The following CFAP299 variants were observed in gnomAD, a reference collection of about 807,000 sequenced individuals.
CFAP299 encodes the protein cilia and flagella associated protein 299.
A neutral mutation model predicts 27.0 loss-of-function variants in CFAP299; 21 were observed. The observed-to-expected ratio is 0.78, with a 90% CI of 0.55 to 1.12. The LOEUF (loss-of-function observed/expected upper bound fraction) is 1.12. Among genes scored for constraint, CFAP299 ranks in the 50% most tolerant of loss-of-function variants. The pLI, the probability that CFAP299 is intolerant of heterozygous loss-of-function variation, is 0.00. For synonymous variants in CFAP299, 104 were observed against 98.1 expected (o/e 1.06, Z -0.36); for missense variants, 310 against 276.6 (o/e 1.12, Z -0.86).
At chr4:80,784,362 A>G (rs1432345042) in intron 3 of CFAP299, among the ~76,000 whole-genome samples, 1 of 152,134 alleles carries the variant, frequency 6.6e-6, no homozygotes, top group East Asian at 1.9e-4. Flanking sequence ...AACACTTGTG[A>G]TCTGTCTTTT....
At position 80,427,635 on chromosome 4, in the gene CFAP299, G is replaced by A. The variant is rs138061299; in HGVS notation, c.242+64751G>A. On this transcript the variant is annotated intron_variant, in intron 2 of 5. Coordinates refer to ENST00000358105, the MANE Select transcript of CFAP299 (RefSeq NM_152770.3). ...GGATCCTCAAAGAGTTATGTGGCCC[G>A]TGAAAGATTAATACTCACTCCTACA... Among the ~76,000 whole-genome samples the A allele has an allele frequency of 2.4e-3, 372 of 152,222 alleles. 2 individuals are homozygous for A. The highest frequency in any genetic ancestry group is 8.0e-3 in the African/African-American group (334 of 41,550).
intron 3 of CFAP299, among the ~76,000 whole-genome samples, chr4:80,616,459 C>T (rs567024284): frequency 3.3e-5 from 5 of 151,380 alleles, no homozygotes; most frequent in Admixed American, 1.3e-4. Flanking sequence ...AAATAATACC[C>T]CCAAACTGAA....
chr4:80,737,270 A>C (rs1036881813), intron 3 of CFAP299, among the ~76,000 whole-genome samples: 25 of 152,068 alleles, frequency 1.6e-4, no homozygotes, highest in African/African-American at 5.8e-4. Flanking sequence ...ATATGTAACT[A>C]ACCTGCACAT....
intron 3 of CFAP299, among the ~76,000 whole-genome samples, chr4:80,843,092 T>G (rs1244672395): frequency 2.6e-5 from 4 of 151,392 alleles, no homozygotes; most frequent in Non-Finnish European, 4.4e-5. Flanking sequence ...ATATATATTT[T>G]TATTATACTT....
At chr4:80,472,062 A>G (rs1432857102) in intron 2 of CFAP299, among the ~76,000 whole-genome samples, 2 of 152,232 alleles carry the variant, frequency 1.3e-5, no homozygotes, top group Admixed American at 6.5e-5. Flanking sequence ...AGTTACACAG[A>G]TATTTCCTTC....
intron 3 of CFAP299, among the ~76,000 whole-genome samples, chr4:80,679,363 C>G (rs1355048201): frequency 6.6e-6 from 1 of 151,848 alleles, no homozygotes; most frequent in Non-Finnish European, 1.5e-5. Context: ...TTTGCTATTA[C>G]AAATAAAAAT....
At chr4:80,921,232 C>A (rs1278561504) in intron 4 of CFAP299, among the ~76,000 whole-genome samples, 4 of 152,096 alleles carry the variant, frequency 2.6e-5, no homozygotes, top group Non-Finnish European at 4.4e-5. Flanking sequence ...ATAAATAAGA[C>A]ACAATTCCTT....
chr4:80,864,547 T>C (rs938363762), intron 3 of CFAP299, among the ~76,000 whole-genome samples: 4 of 146,806 alleles, frequency 2.7e-5, no homozygotes, highest in African/African-American at 9.9e-5. Flanking sequence ...TATATATAGG[T>C]ATATATATAT....
chr4:80,612,208 T>C (rs2109918560), intron 3 of CFAP299, among the ~76,000 whole-genome samples: 1 of 152,188 alleles, frequency 6.6e-6, no homozygotes, highest in East Asian at 1.9e-4. Flanking sequence ...TCTATTTTTA[T>C]ACCCCATTTC....
chr4:80,856,401 A>T (rs1387783422), intron 3 of CFAP299, among the ~76,000 whole-genome samples: 1 of 151,264 alleles, frequency 6.6e-6, no homozygotes, highest in African/African-American at 2.4e-5. Flanking sequence ...GAAGCTCTTT[A>T]GTTTAATTAG....
chr4:80,759,200 T>A (rs570339580), intron 3 of CFAP299, among the ~76,000 whole-genome samples: 1 of 152,188 alleles, frequency 6.6e-6, no homozygotes, highest in Non-Finnish European at 1.5e-5. Context: ...ATATCTCTTA[T>A]GTACTGACAC....
At chr4:80,923,838 C>G (rs747618505) in intron 4 of CFAP299, among the ~76,000 whole-genome samples, 6 of 151,890 alleles carry the variant, frequency 4.0e-5, no homozygotes, top group Admixed American at 3.3e-4. Flanking sequence ...TGAACACTAA[C>G]TGGGTATTTG....
chr4:80,481,118 A>G (rs1005372161), intron 2 of CFAP299, among the ~76,000 whole-genome samples: 1 of 152,052 alleles, frequency 6.6e-6, no homozygotes. Context: ...TGTGTTGAAA[A>G]AAACTTAGTA....
At chr4:80,846,797 G>A (rs572783444) in intron 3 of CFAP299, among the ~76,000 whole-genome samples, 1 of 152,176 alleles carries the variant, frequency 6.6e-6, no homozygotes, top group African/African-American at 2.4e-5. Flanking sequence ...CTTTATCTCT[G>A]ATTTTTTAGT....
At chr4:80,642,432 T>C (rs1739772525) in intron 3 of CFAP299, among the ~76,000 whole-genome samples, 1 of 152,154 alleles carries the variant, frequency 6.6e-6, no homozygotes, top group African/African-American at 2.4e-5. Flanking sequence ...GGATCCACAG[T>C]GCTAGAATTA....
chr4:80,877,311 T>C (rs1733436831), intron 4 of CFAP299, among the ~76,000 whole-genome samples: 2 of 152,192 alleles, frequency 1.3e-5, no homozygotes, highest in Non-Finnish European at 2.9e-5. Flanking sequence ...CTGTCTCTCA[T>C]GGAAAATTCA....
At chr4:80,607,292 T>C (rs1737729719) in intron 3 of CFAP299, among the ~76,000 whole-genome samples, 1 of 152,176 alleles carries the variant, frequency 6.6e-6, no homozygotes, top group Admixed American at 6.5e-5. Context: ...TCGGTATCTA[T>C]CTCCTTAGAT....
intron 2 of CFAP299, among the ~76,000 whole-genome samples, chr4:80,546,340 C>T (rs911288719): frequency 2.0e-5 from 3 of 152,220 alleles, no homozygotes; most frequent in African/African-American, 7.2e-5. Flanking sequence ...TACTATTCAA[C>T]CTCAGAGCCA....
intron 3 of CFAP299, among the ~76,000 whole-genome samples, chr4:80,781,291 G>A (rs1476635818): frequency 2.0e-5 from 3 of 151,966 alleles, no homozygotes; most frequent in Non-Finnish European, 2.9e-5. Flanking sequence ...AGTTAAAGGT[G>A]TAGTTATAAT....
Sources: gnomAD v4.1 joint callset for allele counts (sites outside exome capture counted in the v4.1 genomes callset) on GRCh38, gnomAD v4.1.1 for gene constraint, MANE v1.5 for transcripts, NCBI Gene and HGNC (gene_info 2026-07-23, HGNC 2026-07-21) for gene names.